DCDC2: variants seen among roughly 807,000 people sequenced by gnomAD.
DCDC2 encodes doublecortin domain containing 2, also known as doublecortin domain-containing protein 2.
DCDC2 carries 40 observed loss-of-function variants against 50.2 expected under a neutral mutation model. That is an observed-to-expected ratio of 0.80 (90% CI 0.62 to 1.04). The LOEUF is 1.04. Ranked by LOEUF, DCDC2 falls within the 50% of genes least tolerant of loss-of-function variation. The probability of loss-of-function intolerance (pLI) is 0.00; values close to 1 mark genes in which losing one functional copy is unlikely to be tolerated. For missense variants in DCDC2, 570 were observed against 581.9 expected (o/e 0.98, Z 0.21); for synonymous variants, 234 against 210.6 (o/e 1.11, Z -0.96).
intron 8 of DCDC2, among the ~76,000 whole-genome samples, chr6:24,188,765 C>T (rs180770978): frequency 8.3e-4 from 126 of 151,380 alleles, no homozygotes; most frequent in African/African-American, 2.9e-3. Context: ...TCTGTTTCGC[C>T]GGAGGCAAAA....
intron 7 of DCDC2, among the ~76,000 whole-genome samples, chr6:24,227,191 T>C (rs1283481582): frequency 1.3e-5 from 2 of 152,232 alleles, no homozygotes; most frequent in Non-Finnish European, 2.9e-5. Context: ...ACTGAGTTAA[T>C]TAGGCATTAA....
rs796955072 is a variant in DCDC2 at position 24,172,551 on chromosome 6, AAAAGAG to A, written c.*2173_*2178del. 19 of 152,312 alleles carry A rather than the reference AAAAGAG, an allele frequency of 1.2e-4. No individual in the cohort carries two copies. The highest frequency in any genetic ancestry group is 4.3e-4 in the African/African-American group (18 of 41,568). The allele number at this position is 152,312 out of a possible 1,614,324, so 9.4% of individuals were successfully genotyped here. A position where few individuals can be genotyped will look rare whatever the true frequency, so the allele number is the denominator to read the frequency against. On this transcript the variant is annotated 3_prime_UTR_variant, in exon 10 of 10. Transcript: ENST00000378454. ...AAAGAAATATTTTTATTAGAGGAGG[AAAAGAG>A]AAAGAGAAACTCTCCATTGAAGAAA...
rs147824199 is a variant in DCDC2, at chr6:24,299,177, T to A, written c.557+2538A>T. Among the ~76,000 whole-genome samples the A allele has an allele frequency of 8.5e-5, 13 of 152,282 alleles. No homozygotes were observed. The East Asian group carries it at 2.3e-3, about 27-fold the overall frequency. Reference sequence around the variant, plus strand: ...CAGCCAGGAAAATACTGAAATCCTGTCCTTTGCAGCAATATGGATGCAGCT... The same window carrying A: ...CAGCCAGGAAAATACTGAAATCCTGACCTTTGCAGCAATATGGATGCAGCT... On this transcript the variant is annotated intron_variant, in intron 4 of 9. Coordinates refer to ENST00000378454, the MANE Select transcript of DCDC2 (RefSeq NM_016356.5).
chr6:24,225,702 T>TCA (rs542318921), intron 7 of DCDC2, among the ~76,000 whole-genome samples: 12,687 of 151,860 alleles, frequency 0.084, 657 homozygotes, highest in East Asian at 0.17. Flanking sequence ...TAGAAAGTTT[T>TCA]CACACACACA....
chr6:24,306,610 G>A (rs1379391020), intron 2 of DCDC2, among the ~76,000 whole-genome samples: 1 of 151,820 alleles, frequency 6.6e-6, no homozygotes, highest in Non-Finnish European at 1.5e-5. Context: ...AAAGTCAAAG[G>A]TGGCAAAAGT....
At chr6:24,255,140 A>G (rs1762876076) in intron 7 of DCDC2, among the ~76,000 whole-genome samples, 1 of 152,178 alleles carries the variant, frequency 6.6e-6, no homozygotes, top group Admixed American at 6.5e-5. Flanking sequence ...AAAGGTATAG[A>G]GAGAACAGAA....
chr6:24,326,066 T>C lies in DCDC2; in HGVS notation c.349-24022A>G, dbSNP rs1028131664. Among the ~76,000 whole-genome samples the C allele has an allele frequency of 2.1e-5, 3 of 144,986 alleles. 1 individual carries two copies. Among genetic ancestry groups the C allele is most frequent in the East Asian group, 2.3e-4 (1 of 4,264 alleles). ...ATTATTGATCAAGTTTCATGCAAAG[T>C]TCCAAAACCAAAGAAAGAAAGAAAG... On this transcript the variant is annotated intron_variant, in intron 2 of 9. Coordinates refer to ENST00000378454, the MANE Select transcript of DCDC2 (RefSeq NM_016356.5).
intron 7 of DCDC2, among the ~76,000 whole-genome samples, chr6:24,269,624 T>C (rs1374924284): frequency 6.6e-6 from 1 of 151,206 alleles, no homozygotes; most frequent in African/African-American, 2.4e-5. Flanking sequence ...GGGGATGGGG[T>C]TCCTAAGTCT....
chr6:24,207,601 C>T (rs1158664556), intron 7 of DCDC2, among the ~76,000 whole-genome samples: 1 of 152,060 alleles, frequency 6.6e-6, no homozygotes, highest in Non-Finnish European at 1.5e-5. Context: ...GGTTTTGTAT[C>T]CCATGGAGAC....
chr6:24,174,691 T>C lies in DCDC2; in HGVS notation c.*39A>G. ...ATCTTTCAAGTATGATAACCCTTCA[T>C]TTTTCTTGCGATCCATATACTCTCT... On this transcript the variant is annotated 3_prime_UTR_variant, in exon 10 of 10. Transcript: ENST00000378454. 3 of 1,427,636 alleles carry C rather than the reference T, an allele frequency of 2.1e-6. No individual in the cohort carries two copies. The highest frequency in any genetic ancestry group is 3.0e-6 in the Non-Finnish European group (3 of 1,013,514). The allele number at this position is 1,427,636 out of a possible 1,614,324, so 88.4% of individuals were successfully genotyped here.
upstream of DCDC2, among the ~76,000 whole-genome samples, chr6:24,360,520 T>C (rs2127261345): frequency 6.6e-6 from 1 of 152,094 alleles, no homozygotes; most frequent in Non-Finnish European, 1.5e-5. Context: ...GTGTAGATTG[T>C]TAGCTCTGTC....
At chr6:24,208,168 A>G (rs927900082) in intron 7 of DCDC2, among the ~76,000 whole-genome samples, 2 of 152,054 alleles carry the variant, frequency 1.3e-5, no homozygotes, top group African/African-American at 2.4e-5. Context: ...CGGACCCGCT[A>G]TGCTTTTTCA....
At chr6:24,353,000 G>A (rs906173513) in intron 2 of DCDC2, among the ~76,000 whole-genome samples, 7 of 152,162 alleles carry the variant, frequency 4.6e-5, no homozygotes, top group Non-Finnish European at 8.8e-5. Context: ...GAAGCTACGT[G>A]GAATGCGGTA....
the DCDC2 span, among the ~76,000 whole-genome samples, chr6:24,376,074 G>T: frequency 6.6e-6 from 1 of 152,160 alleles, no homozygotes; most frequent in African/African-American, 2.4e-5. Context: ...GAAGTAAAAG[G>T]AAGTAGAGAA....
At chr6:24,212,482 T>C (rs1200326088) in intron 7 of DCDC2, among the ~76,000 whole-genome samples, 2 of 152,188 alleles carry the variant, frequency 1.3e-5, no homozygotes, top group Admixed American at 6.5e-5. Context: ...TGCAAAACAC[T>C]ACCACCAACC....
At chr6:24,242,388 C>T (rs1388674146) in intron 7 of DCDC2, among the ~76,000 whole-genome samples, 2 of 151,906 alleles carry the variant, frequency 1.3e-5, no homozygotes, top group Non-Finnish European at 2.9e-5. Flanking sequence ...CCTGCTCATG[C>T]CTCCAGCCTA....
At position 24,172,237 on chromosome 6, in the gene DCDC2, T is replaced by C. The variant is rs1760793955; in HGVS notation, c.*2493A>G. On this transcript the variant is annotated 3_prime_UTR_variant, in exon 10 of 10. Transcript: ENST00000378454. ...GGCTAGGCACCTTTTTTTAGTAACA[T>C]GTTTGCAAAGTGTCTTAAAGTGATA... 6.6e-6 allele frequency: 1 copy of C among 152,204 alleles called. No individual in the cohort carries two copies. The highest frequency in any genetic ancestry group is 2.4e-5 in the African/African-American group (1 of 41,462). The allele number at this position is 152,204 out of a possible 1,614,324, so 9.4% of individuals were successfully genotyped here. A position where few individuals can be genotyped will look rare whatever the true frequency, so the allele number is the denominator to read the frequency against.
intron 8 of DCDC2, among the ~76,000 whole-genome samples, chr6:24,191,127 G>A (rs921963401): frequency 1.3e-5 from 2 of 152,040 alleles, no homozygotes; most frequent in Non-Finnish European, 2.9e-5. Flanking sequence ...TTTTATAATT[G>A]TTTAGTAAAT....
intron 6 of DCDC2, among the ~76,000 whole-genome samples, chr6:24,287,408 T>C (rs771152816): frequency 6.6e-6 from 1 of 152,212 alleles, no homozygotes; most frequent in Non-Finnish European, 1.5e-5. Context: ...CAGGCTGAAG[T>C]GCAGTGGGGC....
Sources: gnomAD v4.1 joint callset for allele counts (sites outside exome capture counted in the v4.1 genomes callset) on GRCh38, gnomAD v4.1.1 for gene constraint, MANE v1.5 for transcripts, NCBI Gene and HGNC (gene_info 2026-07-23, HGNC 2026-07-21) for gene names.